TEAD1: variants seen among roughly 807,000 people sequenced by gnomAD.
The protein encoded by TEAD1 is TEA domain transcription factor 1.
A neutral mutation model predicts 54.9 loss-of-function variants in TEAD1; 9 were observed. The ratio of observed to expected loss-of-function variants is 0.16; its 90% CI spans 0.10 to 0.29. The LOEUF (loss-of-function observed/expected upper bound fraction) is 0.29, where lower values mean the gene tolerates loss of function less well. TEAD1 is among the 10% of genes least tolerant of loss of function. The pLI is 1.00. For synonymous variants in TEAD1, 200 were observed against 187.8 expected (o/e 1.07, Z -0.53); for missense variants, 387 against 535.9 (o/e 0.72, Z 2.74).
At chr11:12,800,965 T>A (rs1027392062) in intron 3 of TEAD1, among the ~76,000 whole-genome samples, 1 of 152,208 alleles carries the variant, frequency 6.6e-6, no homozygotes, top group Admixed American at 6.5e-5. Context: ...GGTTTAAAAA[T>A]TCTGTTGAAT....
chr11:12,892,630 G>A (rs1948219978), intron 9 of TEAD1, among the ~76,000 whole-genome samples: 1 of 152,078 alleles, frequency 6.6e-6, no homozygotes. Flanking sequence ...GGCAACAGAG[G>A]AGACTCTGTC....
intron 9 of TEAD1, among the ~76,000 whole-genome samples, chr11:12,883,463 C>T (rs1006710259): frequency 1.3e-5 from 2 of 152,048 alleles, no homozygotes; most frequent in Non-Finnish European, 2.9e-5. Context: ...ATGCCTGGTC[C>T]CATGCAGAGT....
chr11:12,867,227 G>A (rs1201043110), intron 5 of TEAD1, among the ~76,000 whole-genome samples: 3 of 152,140 alleles, frequency 2.0e-5, no homozygotes, highest in Admixed American at 6.5e-5. Flanking sequence ...GTGAAGGTGG[G>A]AGAATGTTTT....
chr11:12,744,323 A>T (rs1035243580), intron 2 of TEAD1, among the ~76,000 whole-genome samples: 1 of 152,204 alleles, frequency 6.6e-6, no homozygotes, highest in Admixed American at 6.5e-5. Context: ...AAATGATTAC[A>T]AGGATGTTTG....
intron 3 of TEAD1, among the ~76,000 whole-genome samples, chr11:12,790,773 A>T (rs1028823724): frequency 5.3e-5 from 8 of 152,236 alleles, no homozygotes; most frequent in African/African-American, 1.9e-4. Context: ...AAGATACTTA[A>T]CATTAGCCAT....
chr11:12,865,059 T>A, intron 5 of TEAD1, 159 bp downstream of exon 5: 1 of 829,936 alleles, frequency 1.2e-6, no homozygotes, highest in Non-Finnish European at 2.0e-6. Flanking sequence ...TCTGTTTCTG[T>A]ACTAGCCTCA....
intron 3 of TEAD1, among the ~76,000 whole-genome samples, chr11:12,843,231 C>T (rs777472104): frequency 1.3e-5 from 2 of 152,190 alleles, no homozygotes; most frequent in Middle Eastern, 3.4e-3. Context: ...ACAAGGAGTC[C>T]GAGCCCAGCT....
In TEAD1 at chr11:12,939,673, T is replaced by G. The variant is rs1168213008; in HGVS notation, c.*2451T>G. Reference sequence around the variant, plus strand: ...GCTCAGAATGCCTTTGCAGTTGAGTTTTCTGGGTTTCTATGATTGACCTTG... The same window carrying G: ...GCTCAGAATGCCTTTGCAGTTGAGTGTTCTGGGTTTCTATGATTGACCTTG... On this transcript the variant is annotated 3_prime_UTR_variant, in exon 13 of 13. Transcript: ENST00000527636. 1.3e-5 allele frequency: 2 copies of G among 152,252 alleles called. No homozygotes were observed. The highest frequency in any genetic ancestry group is 2.4e-5 in the African/African-American group (1 of 41,450). The allele number at this position is 152,252 out of a possible 1,614,324, so 9.4% of individuals were successfully genotyped here.
At chr11:12,854,804 C>A (rs1435208276) in intron 3 of TEAD1, among the ~76,000 whole-genome samples, 1 of 150,460 alleles carries the variant, frequency 6.6e-6, no homozygotes, top group African/African-American at 2.5e-5. Context: ...CACTCTCAGC[C>A]AGGCTGGTCT....
chr11:12,837,794 T>TTCCTTCTTC (rs1431968263), intron 3 of TEAD1, among the ~76,000 whole-genome samples: 2 of 137,994 alleles, frequency 1.4e-5, no homozygotes, highest in Non-Finnish European at 3.1e-5. Context: ...CTTCCTTCTT[T>TTCCTTCTTC]CTTCCTTCTT....
In TEAD1 at chr11:12,864,904, T is replaced by C. The variant is rs780879230; in HGVS notation, c.330+4T>C. The C allele has an allele frequency of 4.3e-6, 7 of 1,614,178 alleles. No individual in the cohort carries two copies. Among genetic ancestry groups the C allele is most frequent in the Non-Finnish European group, 5.9e-6 (7 of 1,180,014 alleles). On this transcript the variant is annotated splice_donor_region_variant and intron_variant, in intron 5 of 12. Transcript: ENST00000527636. ...TGATTTTCATTCCAAGCTAAAGGTA[T>C]GCGCTTTTCTGCTTTTTGGCTTGTG...
At chr11:12,808,928 C>T (rs73425613) in intron 3 of TEAD1, among the ~76,000 whole-genome samples, 58 of 152,228 alleles carry the variant, frequency 3.8e-4, no homozygotes, top group African/African-American at 1.3e-3. Flanking sequence ...GCATAATTCT[C>T]GCAAAATGCT....
chr11:12,753,958 A>T (rs1478689534), intron 2 of TEAD1, among the ~76,000 whole-genome samples: 1 of 152,162 alleles, frequency 6.6e-6, no homozygotes, highest in African/African-American at 2.4e-5. Flanking sequence ...ATGGCTATCA[A>T]TCAACCTGGC....
At chr11:12,808,692 C>T (rs796719373) in intron 3 of TEAD1, among the ~76,000 whole-genome samples, 1 of 152,278 alleles carries the variant, frequency 6.6e-6, no homozygotes, top group African/African-American at 2.4e-5. Context: ...GAAAAAGCAA[C>T]CACTGTGATT....
At chr11:12,713,861 A>G (rs770809929) in intron 2 of TEAD1, among the ~76,000 whole-genome samples, 3 of 152,174 alleles carry the variant, frequency 2.0e-5, no homozygotes, top group Non-Finnish European at 4.4e-5. Context: ...TCACATCTCC[A>G]TACTAATGTC....
At chr11:12,784,108 G>A (rs1229269226) in intron 3 of TEAD1, among the ~76,000 whole-genome samples, 4 of 152,134 alleles carry the variant, frequency 2.6e-5, no homozygotes, top group Non-Finnish European at 4.4e-5. Flanking sequence ...GGATGGATGG[G>A]AAGGACATTT....
At chr11:12,816,435 A>T (rs1382472497) in intron 3 of TEAD1, among the ~76,000 whole-genome samples, 6 of 151,874 alleles carry the variant, frequency 4.0e-5, no homozygotes, top group Admixed American at 2.0e-4. Flanking sequence ...TTTCCAGGGG[A>T]TTTCAGGGTA....
chr11:12,807,213 T>C (rs1161771317), intron 3 of TEAD1, among the ~76,000 whole-genome samples: 2 of 152,192 alleles, frequency 1.3e-5, no homozygotes, highest in Non-Finnish European at 2.9e-5. Context: ...TGATTTTTTA[T>C]CCCATGAGGT....
At chr11:12,758,394 A>G (rs1590121084) in intron 2 of TEAD1, among the ~76,000 whole-genome samples, 2 of 134,816 alleles carry the variant, frequency 1.5e-5, no homozygotes, top group South Asian at 4.7e-4. Context: ...ACCTGTCATC[A>G]CGCCCAGCTA....
Sources: allele counts gnomAD v4.1 joint callset (sites outside exome capture counted in the v4.1 genomes callset), GRCh38; gene constraint gnomAD v4.1.1; transcripts MANE v1.5; gene names NCBI Gene and HGNC (gene_info 2026-07-23, HGNC 2026-07-21).